The following ABCC9 variants were observed in gnomAD, a reference collection of about 807,000 sequenced individuals.
ABCC9 encodes the protein ATP-binding cassette sub-family C member 9.
ABCC9 carries 95 observed loss-of-function variants against 188.3 expected under a neutral mutation model. The observed-to-expected ratio is 0.50, with a 90% confidence interval of 0.43 to 0.60. The LOEUF (loss-of-function observed/expected upper bound fraction) is 0.60, where lower values mean the gene tolerates loss of function less well. Ranked by LOEUF, ABCC9 falls within the 20% of genes least tolerant of loss-of-function variation. ABCC9 has a pLI of 0.00. For synonymous variants in ABCC9, 659 were observed against 652.7 expected (o/e 1.01, Z -0.15); for missense variants, 1,102 against 1,876.3 (o/e 0.59, Z 7.62).
intron 31 of ABCC9, among the ~76,000 whole-genome samples, chr12:21,822,501 A>G (rs1045189391): frequency 1.3e-5 from 2 of 152,116 alleles, no homozygotes; most frequent in Non-Finnish European, 2.9e-5. Flanking sequence ...ATTAATAGCT[A>G]ACATAAAAGC....
At chr12:21,846,158 C>A (rs368416993) in intron 25 of ABCC9, among the ~76,000 whole-genome samples, 16 of 152,252 alleles carry the variant, frequency 1.1e-4, no homozygotes, top group African/African-American at 3.8e-4. Context: ...ACCTGGCTTA[C>A]AAACATCTAC....
intron 33 of ABCC9, among the ~76,000 whole-genome samples, chr12:21,816,503 T>C (rs1202288226): frequency 6.6e-6 from 1 of 152,062 alleles, no homozygotes; most frequent in Non-Finnish European, 1.5e-5. Context: ...GAGATGAATT[T>C]TAAAGGATGG....
At chr12:21,828,512 G>A (rs929306037) in intron 31 of ABCC9, 4 of 250,808 alleles carry the variant, frequency 1.6e-5, no homozygotes, top group Non-Finnish European at 3.2e-5. Flanking sequence ...ATGCAAGACA[G>A]AAGGCAACAG....
In ABCC9 at chr12:21,901,353, C is replaced by G. The variant is rs186370493; in HGVS notation, c.1618+4773G>C. Among the ~76,000 whole-genome samples the G allele has an allele frequency of 1.6e-4, 25 of 152,242 alleles. No homozygotes were observed. The East Asian group carries it at 4.6e-3, about 28-fold the overall frequency. On this transcript the variant is annotated intron_variant, in intron 12 of 39. Coordinates refer to ENST00000261200, the MANE Select transcript of ABCC9 (RefSeq NM_020297.4). ...TGGTACCAGCCACGGCAAAAACATGCCAAATTTTAAAGCCCATCGATGCTA... is the reference window on the plus strand; with the variant it reads ...TGGTACCAGCCACGGCAAAAACATGGCAAATTTTAAAGCCCATCGATGCTA...
rs794728957 is a variant in ABCC9, at chr12:21,815,890, G to A, written c.3896C>T (p.Pro1299Leu). Residue 1299 changes from proline to leucine, a missense_variant, in exon 34 of 40, where the codon CCT (proline) becomes CTT (leucine). Coordinates refer to ENST00000261200, the MANE Select transcript of ABCC9 (RefSeq NM_020297.4). Reference protein sequence around the residue: ...ESENYEGTMDPSQVPEHWPQE... With the variant: ...ESENYEGTMDLSQVPEHWPQE... ...TGGCCAATGTTCTGGAACTTGAGAA[G>A]GATCTGGAGGATGGGATGGGGAAAT... 6.2e-7 allele frequency: 1 copy of A among 1,612,556 alleles called. No homozygotes were observed. Among genetic ancestry groups the A allele is most frequent in the Admixed American group, 1.7e-5 (1 of 59,910 alleles).
chr12:21,915,368 ATG>A (rs1162301497), intron 7 of ABCC9, among the ~76,000 whole-genome samples: 2 of 142,774 alleles, frequency 1.4e-5, no homozygotes, highest in African/African-American at 2.6e-5. Context: ...ATGTGTATAT[ATG>A]TGTGTATATA....
intron 35 of ABCC9, among the ~76,000 whole-genome samples, chr12:21,813,475 C>T (rs1942395995): frequency 6.6e-6 from 1 of 152,114 alleles, no homozygotes; most frequent in Non-Finnish European, 1.5e-5. Flanking sequence ...GAATTAAAAT[C>T]TTAATAGCCT....
intron 29 of ABCC9, among the ~76,000 whole-genome samples, chr12:21,839,714 C>T (rs1592037897): frequency 6.6e-6 from 1 of 152,258 alleles, no homozygotes; most frequent in East Asian, 1.9e-4. Context: ...TTGGCATTCA[C>T]CTGTGAGGGT....
chr12:21,924,085 C>G (rs1210393930), intron 5 of ABCC9: 2 of 383,228 alleles, frequency 5.2e-6, no homozygotes, highest in Non-Finnish European at 9.3e-6. Flanking sequence ...AAAATCAGAA[C>G]AGATATTGCT....
At chr12:21,856,158 G>A (rs924904947) in intron 22 of ABCC9, among the ~76,000 whole-genome samples, 49 of 152,076 alleles carry the variant, frequency 3.2e-4, no homozygotes, top group African/African-American at 1.1e-3. Flanking sequence ...GGGGATTTGT[G>A]ATTTTTTTTG....
chr12:21,836,963 T>G (rs1393045180), intron 30 of ABCC9, among the ~76,000 whole-genome samples: 1 of 152,092 alleles, frequency 6.6e-6, no homozygotes, highest in African/African-American at 2.4e-5. Context: ...TTTTTGCTGG[T>G]TGGAAATGAA....
At chr12:21,842,599 A>T in intron 28 of ABCC9, 128 bp from the exon 29 acceptor site, 1 of 896,434 alleles carries the variant, frequency 1.1e-6, no homozygotes, top group Non-Finnish European at 1.8e-6. Context: ...AAGCATGTTC[A>T]TCCTAAGCAA....
chr12:21,846,259 C>A (rs1199101655), intron 25 of ABCC9, among the ~76,000 whole-genome samples: 2 of 152,154 alleles, frequency 1.3e-5, no homozygotes, highest in African/African-American at 4.8e-5. Flanking sequence ...AGGGCATACT[C>A]CATGCTGTCT....
intron 28 of ABCC9, among the ~76,000 whole-genome samples, chr12:21,843,039 C>T (rs2137376153): frequency 6.6e-6 from 1 of 152,130 alleles, no homozygotes; most frequent in Non-Finnish European, 1.5e-5. Flanking sequence ...GCTTTTAGCT[C>T]AATCACAATT....
At chr12:21,801,419 C>T (rs1199568617) in intron 39 of ABCC9, among the ~76,000 whole-genome samples, 1 of 152,020 alleles carries the variant, frequency 6.6e-6, no homozygotes, top group Non-Finnish European at 1.5e-5. Context: ...TTGAGTGTAG[C>T]TAATATATCA....
chr12:21,801,620 G>T (rs1011518647), intron 39 of ABCC9, among the ~76,000 whole-genome samples: 1 of 152,112 alleles, frequency 6.6e-6, no homozygotes, highest in Non-Finnish European at 1.5e-5. Context: ...GTTTAGTTCC[G>T]GGATGACAAT....
intron 6 of ABCC9, among the ~76,000 whole-genome samples, chr12:21,916,277 C>G (rs938589920): frequency 6.6e-6 from 1 of 152,140 alleles, no homozygotes; most frequent in South Asian, 2.1e-4. Flanking sequence ...TATTGAGTCT[C>G]TTGATCTATG....
chr12:21,926,273 A>C (rs1949042640), intron 4 of ABCC9, among the ~76,000 whole-genome samples: 1 of 152,246 alleles, frequency 6.6e-6, no homozygotes, highest in Non-Finnish European at 1.5e-5. Flanking sequence ...ATGGCCAAGT[A>C]AACAACAAAA....
At chr12:21,922,404 A>G (rs946396835) in intron 5 of ABCC9, among the ~76,000 whole-genome samples, 31 of 152,020 alleles carry the variant, frequency 2.0e-4, no homozygotes, top group African/African-American at 6.5e-4. Context: ...ATGATGAATG[A>G]TCTTTTTAAT....
Sources: allele counts gnomAD v4.1 joint callset (sites outside exome capture counted in the v4.1 genomes callset), GRCh38; gene constraint gnomAD v4.1.1; transcripts MANE v1.5; gene names NCBI Gene and HGNC (gene_info 2026-07-23, HGNC 2026-07-21).